The following STOX2 variants were observed in gnomAD, a reference collection of about 807,000 sequenced individuals.
The protein encoded by STOX2 is storkhead box 2.
STOX2 carries 28 observed loss-of-function variants against 60.9 expected under a neutral mutation model. The ratio of observed to expected loss-of-function variants is 0.46; its 90% CI spans 0.34 to 0.63. The LOEUF (loss-of-function observed/expected upper bound fraction) is 0.63. Among genes scored for constraint, STOX2 ranks in the 30% least tolerant of loss-of-function variants. The pLI, the probability that STOX2 is intolerant of heterozygous loss-of-function variation, is 0.01. For missense variants in STOX2, 1,024 were observed against 1,187.7 expected, an observed-to-expected ratio of 0.86 and a Z score of 2.03; for synonymous variants, 472 against 463.9, an observed-to-expected ratio of 1.02 and a Z score of -0.22.
At chr4:183,989,980 T>G (rs1231412665) in intron 1 of STOX2, among the ~76,000 whole-genome samples, 2 of 152,202 alleles carry the variant, frequency 1.3e-5, no homozygotes, top group Non-Finnish European at 2.9e-5. Context: ...TCAAGACCCC[T>G]TGAACATCTT....
intron 1 of STOX2, among the ~76,000 whole-genome samples, chr4:183,829,253 C>G (rs985040922): frequency 6.6e-5 from 10 of 152,208 alleles, no homozygotes; most frequent in Non-Finnish European, 1.5e-4. Flanking sequence ...GAAACATACA[C>G]ATTCTTATTT....
chr4:183,988,547 A>T (rs1732948286), intron 1 of STOX2: 1 of 152,214 alleles, frequency 6.6e-6, no homozygotes, highest in Admixed American at 6.5e-5. Context: ...TTGTAAGAAG[A>T]GCTGAGAGTT....
intron 1 of STOX2, among the ~76,000 whole-genome samples, chr4:183,893,185 G>T (rs1386770955): frequency 6.6e-6 from 1 of 151,310 alleles, no homozygotes; most frequent in African/African-American, 2.4e-5. Context: ...TTCTAATTCT[G>T]CTCAGGCCTT....
chr4:183,823,892 A>G (rs1739361656), intron 1 of STOX2, among the ~76,000 whole-genome samples: 1 of 152,194 alleles, frequency 6.6e-6, no homozygotes, highest in Admixed American at 6.5e-5. Context: ...TGTAAAGCAT[A>G]ATGTACAGCA....
chr4:183,997,685 A>G (rs1201675867), intron 1 of STOX2, among the ~76,000 whole-genome samples: 1 of 152,174 alleles, frequency 6.6e-6, no homozygotes, highest in Non-Finnish European at 1.5e-5. Context: ...GGGTGTAGAC[A>G]GGATTGCTGA....
Position 184,020,295 on chromosome 4 carries a change from CT to C in STOX2, c.*3012del, listed in dbSNP as rs1163062325. 6.6e-6 allele frequency: 1 copy of C among 152,146 alleles called. No individual in the cohort carries two copies. Among genetic ancestry groups the C allele is most frequent in the Admixed American group, 6.5e-5 (1 of 15,274 alleles). The allele number at this position is 152,146 out of a possible 1,614,324, so 9.4% of individuals were successfully genotyped here. On this transcript the variant is annotated 3_prime_UTR_variant, in exon 4 of 4. Coordinates refer to ENST00000308497, the MANE Select transcript of STOX2 (RefSeq NM_020225.3). ...TGGCTTTCAGATGTAATCCTGTCTT[CT>C]CCTCTCTTCCCCACGAAAGCGCACT... is the stretch of plus-strand genomic sequence containing the variant.
intron 1 of STOX2, among the ~76,000 whole-genome samples, chr4:183,846,792 T>C (rs901150110): frequency 1.7e-4 from 26 of 152,194 alleles, no homozygotes; most frequent in African/African-American, 6.0e-4. Context: ...CTTTTCTTTT[T>C]TTCCTGTGCG....
chr4:183,934,590 A>T (rs1319372627), intron 1 of STOX2, among the ~76,000 whole-genome samples: 1 of 152,244 alleles, frequency 6.6e-6, no homozygotes. Context: ...TAAAACAAAT[A>T]TCCAGAATCT....
chr4:183,812,342 A>G (rs1446471721), intron 1 of STOX2, among the ~76,000 whole-genome samples: 3 of 151,484 alleles, frequency 2.0e-5, no homozygotes, highest in Admixed American at 6.6e-5. Flanking sequence ...ATAACTTTAA[A>G]TTTACTTTAA....
intron 1 of STOX2, among the ~76,000 whole-genome samples, chr4:183,854,623 T>C (rs1030083521): frequency 1.3e-5 from 2 of 152,318 alleles, no homozygotes; most frequent in East Asian, 3.9e-4. Context: ...AATGTTTACA[T>C]AAAAATAGAG....
At chr4:183,955,071 G>A (rs1467809922) in intron 1 of STOX2, among the ~76,000 whole-genome samples, 1 of 152,190 alleles carries the variant, frequency 6.6e-6, no homozygotes, top group African/African-American at 2.4e-5. Flanking sequence ...TCCTTGGCAT[G>A]TATCTAATTT....
chr4:183,869,914 TGGGACCAAGGAATGGGC>T (rs1327773765), intron 1 of STOX2, among the ~76,000 whole-genome samples: 3 of 152,144 alleles, frequency 2.0e-5, no homozygotes, highest in African/African-American at 4.8e-5. Flanking sequence ...TTAATTATGG[TGGGACCAAGGAATGGGC>T]GGGACCAAGG....
intron 1 of STOX2, among the ~76,000 whole-genome samples, chr4:183,964,725 G>A (rs1009436307): frequency 1.3e-5 from 2 of 152,124 alleles, no homozygotes; most frequent in Non-Finnish European, 2.9e-5. Flanking sequence ...TGGGATTACA[G>A]GTGCATGCCA....
intron 1 of STOX2, among the ~76,000 whole-genome samples, chr4:183,867,322 G>A (rs1237828036): frequency 6.6e-6 from 1 of 152,232 alleles, no homozygotes; most frequent in East Asian, 1.9e-4. Flanking sequence ...TGGTTGCCCA[G>A]AGGATAAACA....
chr4:183,798,166 C>T, intron 1 of STOX2: 1 of 1,072,266 alleles, frequency 9.3e-7, no homozygotes, highest in Non-Finnish European at 1.2e-6. Flanking sequence ...ACCGCCGAGG[C>T]TCCCCTGGGT....
chr4:183,915,224 G>C (rs1045732459), intron 1 of STOX2, among the ~76,000 whole-genome samples: 28 of 152,288 alleles, frequency 1.8e-4, no homozygotes, highest in Middle Eastern at 3.4e-3. Context: ...TCTGATGGCC[G>C]TAGTTTCAGA....
intron 1 of STOX2, among the ~76,000 whole-genome samples, chr4:183,921,652 T>C (rs1742101709): frequency 6.6e-6 from 1 of 152,230 alleles, no homozygotes; most frequent in Middle Eastern, 3.2e-3. Context: ...CCTTGGAATG[T>C]ATAAGATTTA....
chr4:184,013,434 C>G (rs1387104752), intron 3 of STOX2, among the ~76,000 whole-genome samples: 1 of 152,238 alleles, frequency 6.6e-6, no homozygotes, highest in Admixed American at 6.5e-5. Context: ...AAGGTAAAGA[C>G]TGTTCTAAAG....
Position 184,017,203 on chromosome 4 carries a change from G to C in STOX2, c.2700G>C (p.Ala900=). Residue 900 remains alanine, a synonymous_variant, in exon 4 of 4, where the codon GCG becomes GCC. Transcript: ENST00000308497. ...CTGGTCCAGCCTTCAACTTCCGAGCGAGCGCGGAGCCCCCGACAAATGAAG... is the reference window on the plus strand; with the variant it reads ...CTGGTCCAGCCTTCAACTTCCGAGCCAGCGCGGAGCCCCCGACAAATGAAG... ...GGAGPAFNFR[A]SAEPPTNEAE... 1 of 1,612,450 alleles carries C rather than the reference G, an allele frequency of 6.2e-7. No homozygotes were observed. Among genetic ancestry groups the C allele is most frequent in the Non-Finnish European group, 8.5e-7 (1 of 1,179,246 alleles).
Sources: gnomAD v4.1 joint callset for allele counts (sites outside exome capture counted in the v4.1 genomes callset) on GRCh38, gnomAD v4.1.1 for gene constraint, MANE v1.5 for transcripts, NCBI Gene and HGNC (gene_info 2026-07-23, HGNC 2026-07-21) for gene names.